The following LMBR1 variants were observed in gnomAD, a reference collection of about 807,000 sequenced individuals.
LMBR1 encodes the protein limb development membrane protein 1.
A neutral mutation model predicts 73.9 loss-of-function variants in LMBR1; 52 were observed. The observed-to-expected ratio is 0.70, with a 90% CI of 0.56 to 0.89. The LOEUF is 0.89. Among genes scored for constraint, LMBR1 ranks in the 40% least tolerant of loss-of-function variants. The probability of loss-of-function intolerance (pLI) is 0.00; values close to 1 mark genes in which losing one functional copy is unlikely to be tolerated. For missense variants in LMBR1, 539 were observed against 579.8 expected (o/e 0.93, Z 0.72); for synonymous variants, 215 against 209.4 (o/e 1.03, Z -0.23).
intron 5 of LMBR1, among the ~76,000 whole-genome samples, chr7:156,788,545 C>T (rs1828579567): frequency 6.6e-6 from 1 of 151,222 alleles, no homozygotes; most frequent in African/African-American, 2.5e-5. Context: ...AAATCATGAG[C>T]ATTCTCCCCT....
At chr7:156,787,320 T>C (rs1345197621) in intron 5 of LMBR1, among the ~76,000 whole-genome samples, 13 of 152,228 alleles carry the variant, frequency 8.5e-5, no homozygotes, top group Non-Finnish European at 4.4e-5. Flanking sequence ...TTCCTGTTTG[T>C]TGTTCTTCAA....
chr7:156,770,109 T>C (rs1378956527), intron 5 of LMBR1, among the ~76,000 whole-genome samples: 4 of 152,210 alleles, frequency 2.6e-5, no homozygotes, highest in Non-Finnish European at 5.9e-5. Flanking sequence ...AGTAATCCCT[T>C]ATAGGGAATA....
chr7:156,828,950 G>A (rs1321659224), intron 3 of LMBR1, among the ~76,000 whole-genome samples: 1 of 152,178 alleles, frequency 6.6e-6, no homozygotes, highest in Non-Finnish European at 1.5e-5. Flanking sequence ...ATCAGTACCA[G>A]CTCACATTCC....
At chr7:156,675,517 G>T (rs988061411), downstream of LMBR1, among the ~76,000 whole-genome samples, 1 of 152,182 alleles carries the variant, frequency 6.6e-6, no homozygotes, top group Non-Finnish European at 1.5e-5. Context: ...GTGGTCATCT[G>T]TCCAGATTAT....
intron 4 of LMBR1, among the ~76,000 whole-genome samples, chr7:156,809,782 T>C (rs1203458059): frequency 6.6e-6 from 1 of 152,224 alleles, no homozygotes; most frequent in Admixed American, 6.5e-5. Context: ...ACTTAACGTG[T>C]CTCTTTTTGT....
chr7:156,863,863 G>C (rs1161279576), intron 1 of LMBR1, among the ~76,000 whole-genome samples: 1 of 152,116 alleles, frequency 6.6e-6, no homozygotes, highest in Non-Finnish European at 1.5e-5. Flanking sequence ...TTAATAGCTA[G>C]AGAAGACCAG....
intron 5 of LMBR1, among the ~76,000 whole-genome samples, chr7:156,774,564 G>T (rs1464071685): frequency 6.6e-6 from 1 of 152,218 alleles, no homozygotes; most frequent in African/African-American, 2.4e-5. Context: ...GGGTGAGACA[G>T]CTCACACCTG....
intron 1 of LMBR1, among the ~76,000 whole-genome samples, chr7:156,866,768 TA>T (rs1798528709): frequency 1.3e-5 from 2 of 152,146 alleles, no homozygotes; most frequent in African/African-American, 4.8e-5. Context: ...TGCACCCAGC[TA>T]AATTTTGTAT....
chr7:156,848,283 A>C (rs1429187743), intron 1 of LMBR1, among the ~76,000 whole-genome samples: 1 of 152,208 alleles, frequency 6.6e-6, no homozygotes, highest in South Asian at 2.1e-4. Flanking sequence ...TATCAACCGT[A>C]AATGACAACC....
intron 1 of LMBR1, among the ~76,000 whole-genome samples, chr7:156,845,200 T>C (rs996842934): frequency 2.6e-5 from 4 of 152,014 alleles, no homozygotes; most frequent in Non-Finnish European, 4.4e-5. Flanking sequence ...TATGTATCAA[T>C]AAAAAATTAA....
chr7:156,751,182 G>A (rs1820811107), intron 9 of LMBR1, among the ~76,000 whole-genome samples: 1 of 151,976 alleles, frequency 6.6e-6, no homozygotes, highest in Non-Finnish European at 1.5e-5. Context: ...TATACTAAAA[G>A]ACTTAACATG....
At chr7:156,688,247 G>C in intron 15 of LMBR1, 56 bp from the exon 16 acceptor site, 1 of 1,260,806 alleles carries the variant, frequency 7.9e-7, no homozygotes. Flanking sequence ...CATATTTAGT[G>C]TGCTACAAGT....
At chr7:156,763,932 A>G in intron 5 of LMBR1, 137 bp from the exon 6 acceptor site, 1 of 578,786 alleles carries the variant, frequency 1.7e-6, no homozygotes. Context: ...AAAAAACACT[A>G]GGTACTTATG....
At chr7:156,828,807 TGA>T (rs1469371369) in intron 3 of LMBR1, among the ~76,000 whole-genome samples, 1 of 152,230 alleles carries the variant, frequency 6.6e-6, no homozygotes, top group African/African-American at 2.4e-5. Flanking sequence ...TGGGATATGA[TGA>T]GGTTTCTCTT....
At chr7:156,803,866 C>T (rs1831490029) in intron 4 of LMBR1, among the ~76,000 whole-genome samples, 1 of 151,460 alleles carries the variant, frequency 6.6e-6, no homozygotes, top group African/African-American at 2.4e-5. Context: ...AACTGGAACC[C>T]ATCATTCTCA....
At chr7:156,859,656 C>G (rs1797465382) in intron 1 of LMBR1, among the ~76,000 whole-genome samples, 1 of 151,774 alleles carries the variant, frequency 6.6e-6, no homozygotes, top group South Asian at 2.1e-4. Context: ...TTAAAAATAT[C>G]TAAATTAATG....
intron 4 of LMBR1, among the ~76,000 whole-genome samples, chr7:156,797,916 T>C (rs1054366851): frequency 5.3e-5 from 8 of 152,110 alleles, no homozygotes; most frequent in African/African-American, 1.9e-4. Context: ...ATTTGAACTA[T>C]TTAAAATTTT....
At chr7:156,676,186 T>C, downstream of LMBR1, 1 of 1,312,110 alleles carries the variant, frequency 7.6e-7, no homozygotes, top group South Asian at 1.5e-5. Context: ...ATGTTGCTTA[T>C]CACAGGTGGG....
chr7:156,785,387 G>A (rs772654542), intron 5 of LMBR1, among the ~76,000 whole-genome samples: 4 of 152,162 alleles, frequency 2.6e-5, no homozygotes, highest in Non-Finnish European at 4.4e-5. Flanking sequence ...TAGAAGGCAA[G>A]CTAAACAGTA....
Sources: allele counts gnomAD v4.1 joint callset (sites outside exome capture counted in the v4.1 genomes callset), GRCh38; gene constraint gnomAD v4.1.1; transcripts MANE v1.5; gene names NCBI Gene and HGNC (gene_info 2026-07-23, HGNC 2026-07-21).